TTC28: variants seen among roughly 807,000 people sequenced by gnomAD.
TTC28 encodes the protein tetratricopeptide repeat domain 28.
TTC28 carries 61 observed loss-of-function variants against 198.0 expected under a neutral mutation model. The observed-to-expected ratio is 0.31, with a 90% CI of 0.25 to 0.38. The LOEUF (loss-of-function observed/expected upper bound fraction) is 0.38, where lower values mean the gene tolerates loss of function less well. Ranked by LOEUF, TTC28 falls within the 10% of genes least tolerant of loss-of-function variation. The pLI, the probability that TTC28 is intolerant of heterozygous loss-of-function variation, is 1.00. For synonymous variants in TTC28, 1,171 were observed against 1,297.8 expected (o/e 0.90, Z 2.10); for missense variants, 2,678 against 3,164.0 (o/e 0.85, Z 3.69).
chr22:28,233,209 T>G (rs1302131778), intron 5 of TTC28, among the ~76,000 whole-genome samples: 4 of 152,328 alleles, frequency 2.6e-5, no homozygotes, highest in African/African-American at 7.2e-5. Context: ...TTTTTTTCAG[T>G]GATAATTTTT....
intron 12 of TTC28, among the ~76,000 whole-genome samples, chr22:28,080,544 T>C (rs1348874462): frequency 6.6e-6 from 1 of 152,150 alleles, no homozygotes; most frequent in Admixed American, 6.5e-5. Flanking sequence ...GTTGTTGTTG[T>C]TGTTGTTGTT....
rs1430401719 is a variant in TTC28, at chr22:28,275,190, AT to A, written c.933+21007del. On this transcript the variant is annotated intron_variant, in intron 5 of 22. Coordinates refer to ENST00000397906, the MANE Select transcript of TTC28 (RefSeq NM_001145418.2). Reference sequence around the variant, plus strand: ...CCGCATTACGGAAGTTCTATAAGAAATTTTACACTTCTAAAACAACTCAAGA... The same window carrying A: ...CCGCATTACGGAAGTTCTATAAGAAATTTACACTTCTAAAACAACTCAAGA... 2.0e-5 allele frequency among the ~76,000 whole-genome samples: 3 copies of A among 152,132 alleles called. No homozygotes were observed. The East Asian group carries it at 5.8e-4, about 29-fold the overall frequency.
chr22:28,409,733 C>T (rs540381962), intron 2 of TTC28, among the ~76,000 whole-genome samples: 16 of 149,992 alleles, frequency 1.1e-4, no homozygotes, highest in African/African-American at 3.9e-4. Context: ...CTTGGCTCAG[C>T]GCAACCTCCG....
intron 1 of TTC28, among the ~76,000 whole-genome samples, chr22:28,657,036 T>C (rs2051669729): frequency 6.6e-6 from 1 of 151,950 alleles, no homozygotes; most frequent in Admixed American, 6.6e-5. Context: ...AAAGAAAAAA[T>C]AGTATACAGG....
At chr22:28,069,299 G>A (rs1377147972) in intron 12 of TTC28, among the ~76,000 whole-genome samples, 1 of 152,142 alleles carries the variant, frequency 6.6e-6, no homozygotes, top group South Asian at 2.1e-4. Context: ...TCACTGAAGA[G>A]TTCTGAGCTT....
chr22:28,419,836 T>C (rs1356388120), intron 2 of TTC28, among the ~76,000 whole-genome samples: 1 of 152,200 alleles, frequency 6.6e-6, no homozygotes, highest in African/African-American at 2.4e-5. Context: ...GAGAATGCTA[T>C]TTTCCCAACA....
At chr22:28,378,865 G>T (rs2046453715) in intron 2 of TTC28, among the ~76,000 whole-genome samples, 1 of 151,644 alleles carries the variant, frequency 6.6e-6, no homozygotes, top group Non-Finnish European at 1.5e-5. Context: ...ACAGGAGAGG[G>T]CAAAAAAATA....
chr22:28,075,970 C>T (rs1455613365), intron 12 of TTC28, among the ~76,000 whole-genome samples: 1 of 152,204 alleles, frequency 6.6e-6, no homozygotes, highest in East Asian at 1.9e-4. Flanking sequence ...CATATATCTC[C>T]AGGCCCAGCA....
intron 5 of TTC28, among the ~76,000 whole-genome samples, chr22:28,287,226 AAAAGT>A (rs1241907502): frequency 1.3e-5 from 2 of 152,202 alleles, no homozygotes; most frequent in African/African-American, 4.8e-5. Flanking sequence ...TACTTATGAC[AAAAGT>A]AACATGCAGT....
chr22:28,007,728 T>A (rs1937984548), intron 14 of TTC28: 1 of 152,204 alleles, frequency 6.6e-6, no homozygotes, highest in Admixed American at 6.5e-5. Flanking sequence ...GTCTGCTTGT[T>A]GAACACCAGC....
At chr22:28,228,640 C>A (rs1427327990) in intron 5 of TTC28, among the ~76,000 whole-genome samples, 1 of 151,826 alleles carries the variant, frequency 6.6e-6, no homozygotes, top group Non-Finnish European at 1.5e-5. Flanking sequence ...GCAGAGGTTG[C>A]AGTGAGCCGA....
intron 2 of TTC28, among the ~76,000 whole-genome samples, chr22:28,439,938 C>T (rs986675968): frequency 1.3e-4 from 20 of 152,068 alleles, no homozygotes; most frequent in Admixed American, 1.2e-3. Flanking sequence ...CAGATTCAAG[C>T]GATTCTCCTG....
chr22:28,123,078 C>G (rs1283225826), intron 6 of TTC28, among the ~76,000 whole-genome samples: 1 of 152,330 alleles, frequency 6.6e-6, no homozygotes, highest in East Asian at 1.9e-4. Flanking sequence ...GCCCAAACTT[C>G]TCTTGGCAGC....
At chr22:28,608,639 A>C (rs1414426690) in intron 2 of TTC28, among the ~76,000 whole-genome samples, 2 of 152,206 alleles carry the variant, frequency 1.3e-5, no homozygotes, top group Non-Finnish European at 1.5e-5. Flanking sequence ...AGAAGCTCCT[A>C]ATCTCTCATC....
intron 2 of TTC28, among the ~76,000 whole-genome samples, chr22:28,577,852 G>T (rs1038182446): frequency 2.0e-5 from 3 of 152,006 alleles, no homozygotes; most frequent in Admixed American, 1.3e-4. Flanking sequence ...AGTTATGTGT[G>T]TCTTTATAGG....
intron 2 of TTC28, among the ~76,000 whole-genome samples, chr22:28,437,386 A>G (rs2146215727): frequency 6.6e-6 from 1 of 152,178 alleles, no homozygotes; most frequent in Admixed American, 6.5e-5. Context: ...CCCAGCTCTT[A>G]TTCTTTTAGA....
chr22:28,324,587 T>C (rs1487167103), intron 2 of TTC28, among the ~76,000 whole-genome samples: 1 of 152,138 alleles, frequency 6.6e-6, no homozygotes, highest in Non-Finnish European at 1.5e-5. Context: ...TGATTCAACA[T>C]ACACAAATCA....
chr22:28,424,655 C>T (rs1410971657), intron 2 of TTC28, among the ~76,000 whole-genome samples: 1 of 152,134 alleles, frequency 6.6e-6, no homozygotes, highest in Non-Finnish European at 1.5e-5. Context: ...AAAGTTCTTA[C>T]TATTTGGCTT....
At chr22:28,125,298 C>T (rs187962794) in intron 6 of TTC28, among the ~76,000 whole-genome samples, 5 of 152,274 alleles carry the variant, frequency 3.3e-5, no homozygotes, top group Admixed American at 6.5e-5. Flanking sequence ...AAAAATACCT[C>T]GATTTATTAA....
Sources: allele counts gnomAD v4.1 joint callset (sites outside exome capture counted in the v4.1 genomes callset), GRCh38; gene constraint gnomAD v4.1.1; transcripts MANE v1.5; gene names NCBI Gene and HGNC (gene_info 2026-07-23, HGNC 2026-07-21).